OSGIN2: variants seen among roughly 807,000 people sequenced by gnomAD.
OSGIN2 encodes oxidative stress induced growth inhibitor family member 2.
OSGIN2 carries 19 observed loss-of-function variants against 53.8 expected under a neutral mutation model. That is an observed-to-expected ratio of 0.35 (90% confidence interval 0.25 to 0.52). The LOEUF (loss-of-function observed/expected upper bound fraction) is 0.52. Among genes scored for constraint, OSGIN2 ranks in the 20% least tolerant of loss-of-function variants. The pLI is 0.95. For missense variants in OSGIN2, 520 were observed against 662.7 expected, an observed-to-expected ratio of 0.78 and a Z score of 2.36; for synonymous variants, 236 against 236.0, an observed-to-expected ratio of 1.00 and a Z score of 0.00.
chr8:89,908,631 AAATT>A (rs543288003), intron 1 of OSGIN2, among the ~76,000 whole-genome samples: 146 of 152,292 alleles, frequency 9.6e-4, no homozygotes, highest in Non-Finnish European at 1.4e-3. Flanking sequence ...TATGAAGATA[AAATT>A]AATTAAGGGA....
chr8:89,924,602 T>G lies in OSGIN2; in HGVS notation c.720T>G (p.Thr240=). Residue 240 remains threonine, a synonymous_variant, in exon 6 of 6, where the codon ACT becomes ACG. Coordinates refer to ENST00000451899, the MANE Select transcript of OSGIN2 (RefSeq NM_001126111.3). ...MGLQKNFREN[T]YITSVSRLYR... ...TTCAGAAGAATTTCAGAGAGAATAC[T>G]TACATAACTTCCGTATCAAGACTCT... The G allele has an allele frequency of 6.2e-7, 1 of 1,613,724 alleles. No homozygotes were observed. Among genetic ancestry groups the G allele is most frequent in the Non-Finnish European group, 8.5e-7 (1 of 1,179,610 alleles).
intron 2 of OSGIN2, among the ~76,000 whole-genome samples, chr8:89,910,555 T>A (rs1221121956): frequency 1.3e-5 from 2 of 152,184 alleles, no homozygotes; most frequent in Admixed American, 1.3e-4. Context: ...AGAGCAAGAT[T>A]GTTCTATACT....
At chr8:89,910,410 T>A (rs1354985103) in intron 2 of OSGIN2, among the ~76,000 whole-genome samples, 1 of 152,216 alleles carries the variant, frequency 6.6e-6, no homozygotes, top group Non-Finnish European at 1.5e-5. Context: ...TGAAGCTAAC[T>A]AAGCCAGAGG....
intron 1 of OSGIN2, 79 bp downstream of exon 1, chr8:89,902,916 G>C: frequency 9.4e-7 from 1 of 1,058,720 alleles, no homozygotes; most frequent in Non-Finnish European, 1.3e-6. Flanking sequence ...CCCGGGCCGG[G>C]ACCGGGGTGG....
intron 2 of OSGIN2, among the ~76,000 whole-genome samples, chr8:89,913,247 T>TA (rs1008221198): frequency 6.6e-5 from 10 of 152,318 alleles, no homozygotes; most frequent in African/African-American, 2.4e-4. Flanking sequence ...GAAGGACTGT[T>TA]ACCATCCTTG....
chr8:89,914,072 A>C lies in OSGIN2; in HGVS notation c.200-5A>C, dbSNP rs749117218. On this transcript the variant is annotated splice_polypyrimidine_tract_variant and splice_region_variant and intron_variant, in intron 2 of 5. Coordinates refer to ENST00000451899, the MANE Select transcript of OSGIN2 (RefSeq NM_001126111.3). ...CTACCCCTTTCCACCTTTTATTTTT[A>C]ATAGGAAATGGACCCTCAGGAATAT... The C allele has an allele frequency of 3.1e-6, 5 of 1,608,210 alleles. No homozygotes were observed. Among genetic ancestry groups the C allele is most frequent in the Non-Finnish European group, 4.2e-6 (5 of 1,177,468 alleles).
At chr8:89,909,283 T>C (rs1808916558) in intron 1 of OSGIN2, among the ~76,000 whole-genome samples, 1 of 151,834 alleles carries the variant, frequency 6.6e-6, no homozygotes, top group Admixed American at 6.6e-5. Flanking sequence ...CTCAACACCA[T>C]GCTGTCTTTG....
intron 1 of OSGIN2, among the ~76,000 whole-genome samples, chr8:89,907,975 T>G (rs757480893): frequency 2.0e-5 from 3 of 152,192 alleles, no homozygotes; most frequent in Non-Finnish European, 4.4e-5. Context: ...CATCTCTGAT[T>G]TCTTTGAGCA....
intron 1 of OSGIN2, among the ~76,000 whole-genome samples, chr8:89,908,033 A>G (rs1410617921): frequency 1.3e-5 from 2 of 152,184 alleles, no homozygotes; most frequent in East Asian, 3.9e-4. Context: ...GAAGCCTCCA[A>G]AGGTACAGGA....
intron 1 of OSGIN2, among the ~76,000 whole-genome samples, chr8:89,907,035 T>C (rs1247603047): frequency 6.6e-6 from 1 of 152,248 alleles, no homozygotes; most frequent in Non-Finnish European, 1.5e-5. Context: ...TGAACTTTTT[T>C]TCATATGATT....
chr8:89,921,293 AAT>A lies in OSGIN2; in HGVS notation c.620+123_620+124del, dbSNP rs1269635287. The A allele has an allele frequency of 9.8e-6, 6 of 612,174 alleles. No individual in the cohort carries two copies. The South Asian group carries it at 1.1e-4, about 11-fold the overall frequency. The allele number at this position is 612,174 out of a possible 1,614,324, so 37.9% of individuals were successfully genotyped here. ...TATAAATGTACGTCTTTCAAATAAA[AAT>A]GTGTCCTTGAAGCAGTGATTATAAT... On this transcript the variant is annotated intron_variant, in intron 5 of 5. Coordinates refer to ENST00000451899, the MANE Select transcript of OSGIN2 (RefSeq NM_001126111.3).
In OSGIN2 at chr8:89,907,720, A is replaced by G. The variant is rs138842726; in HGVS notation, c.45-1847A>G. Among the ~76,000 whole-genome samples, 1,404 of 152,268 alleles carry G rather than the reference A, an allele frequency of 9.2e-3. 23 individuals are homozygous for G. The highest frequency in any genetic ancestry group is 0.033 in the African/African-American group (1,360 of 41,554). On this transcript the variant is annotated intron_variant, in intron 1 of 5. Transcript: ENST00000451899. ...GCTTCCCGCTTTGTTCTTTTCACTT[A>G]GGATTGCCTTGGCTATTTAGGCTCT... is the stretch of plus-strand genomic sequence containing the variant.
intron 4 of OSGIN2, among the ~76,000 whole-genome samples, chr8:89,919,664 A>G (rs1056752638): frequency 2.0e-5 from 3 of 152,164 alleles, no homozygotes; most frequent in African/African-American, 2.4e-5. Context: ...GGTTGGAACA[A>G]CGCAGGCCTG....
Position 89,925,376 on chromosome 8 carries a change from T to C in OSGIN2, c.1494T>C (p.Ile498=), listed in dbSNP as rs970142634. Residue 498 remains isoleucine, a synonymous_variant, in exon 6 of 6, where the codon ATT becomes ATC. Coordinates refer to ENST00000451899, the MANE Select transcript of OSGIN2 (RefSeq NM_001126111.3). ...TAGATACATATACCTATGAGTGTAT[T>C]AAAGAAGCCAACCTTTTTGCATTGG... ...VEIDTYTYEC[I]KEANLFALGP... 6 of 1,614,052 alleles carry C rather than the reference T, an allele frequency of 3.7e-6. No homozygotes were observed. In the African/African-American group the frequency reaches 6.7e-5, roughly 18 times the overall value.
intron 1 of OSGIN2, 28 bp downstream of exon 1, chr8:89,902,865 G>C (rs1411347871): frequency 7.4e-7 from 1 of 1,353,426 alleles, no homozygotes; most frequent in Admixed American, 2.8e-5. Flanking sequence ...GATGGGAGGG[G>C]AGCAGGCGGG....
rs1809272353 is a variant in OSGIN2 at position 89,924,494 on chromosome 8, C to CT, written c.621-3dup. The CT allele has an allele frequency of 6.4e-7, 1 of 1,565,636 alleles. No individual in the cohort carries two copies. The highest frequency in any genetic ancestry group is 8.6e-7 in the Non-Finnish European group (1 of 1,160,024). On this transcript the variant is annotated splice_polypyrimidine_tract_variant and intron_variant, in intron 5 of 5. Transcript: ENST00000451899. ...TCCTTATAGGATATTTTTCCTTTTC[C>CT]TTTTTTAGGAGCCTAAAAGGGGATC...
In OSGIN2 at chr8:89,926,042, T is replaced by C. The variant is rs911317337; in HGVS notation, c.*510T>C. On this transcript the variant is annotated 3_prime_UTR_variant, in exon 6 of 6. Coordinates refer to ENST00000451899, the MANE Select transcript of OSGIN2 (RefSeq NM_001126111.3). ...ATTTTAACAAGATCCCCAAGGGATATGTATGCTCATAAAAATTTGAGACAC... is the reference window on the plus strand; with the variant it reads ...ATTTTAACAAGATCCCCAAGGGATACGTATGCTCATAAAAATTTGAGACAC... 3.9e-5 allele frequency: 6 copies of C among 154,246 alleles called. No homozygotes were observed. The highest frequency in any genetic ancestry group is 1.4e-4 in the African/African-American group (6 of 41,472). The allele number at this position is 154,246 out of a possible 1,614,324, so 9.6% of individuals were successfully genotyped here. A position where few individuals can be genotyped will look rare whatever the true frequency, so the allele number is the denominator to read the frequency against.
rs761991556 is a variant in OSGIN2 at position 89,914,584 on chromosome 8, G to A, written c.366G>A (p.Glu122=). The change falls in exon 4 of 6, where the codon GAG becomes GAA. Residue 122 remains glutamate, a synonymous_variant. Coordinates refer to ENST00000451899, the MANE Select transcript of OSGIN2 (RefSeq NM_001126111.3). ...QDLEYLSEGL[E]GRSSNPVAVL... is the part of the protein sequence containing the mutation. ...TAGAATACTTGTCTGAGGGCCTTGA[G>A]GGCCGATCATCCAATCCAGTTGCAG... 81 of 1,613,894 alleles carry A rather than the reference G, an allele frequency of 5.0e-5. No homozygotes were observed. In the South Asian group the frequency reaches 6.5e-4, roughly 13 times the overall value.
chr8:89,925,164 C>T lies in OSGIN2; in HGVS notation c.1282C>T (p.Leu428Phe), dbSNP rs1157121419. Residue 428 changes from leucine (L) to phenylalanine (F), a missense_variant, in exon 6 of 6, where the codon CTT (leucine) becomes TTT (phenylalanine). By Grantham distance (22) the Leu-to-Phe change is conservative. Coordinates refer to ENST00000451899, the MANE Select transcript of OSGIN2 (RefSeq NM_001126111.3). ...TACCAGCTTTCCCGAGCACCGTGTGCTTTCCTTTAAGTCGGACATGAAATG... is the reference window on the plus strand; with the variant it reads ...TACCAGCTTTCCCGAGCACCGTGTGTTTTCCTTTAAGTCGGACATGAAATG... ...DYTSFPEHRVLSFKSDMKCVL... is the reference protein window; with the variant it reads ...DYTSFPEHRVFSFKSDMKCVL... The T allele has an allele frequency of 3.1e-6, 5 of 1,613,976 alleles. No homozygotes were observed. Among genetic ancestry groups the T allele is most frequent in the Non-Finnish European group, 3.4e-6 (4 of 1,179,978 alleles).
Sources: gnomAD v4.1 joint callset for allele counts (sites outside exome capture counted in the v4.1 genomes callset) on GRCh38, gnomAD v4.1.1 for gene constraint, MANE v1.5 for transcripts, NCBI Gene and HGNC (gene_info 2026-07-23, HGNC 2026-07-21) for gene names.